The following MARCHF1 variants were observed in gnomAD, a reference collection of about 807,000 sequenced individuals.
MARCHF1 encodes E3 ubiquitin-protein ligase MARCHF1.
Under a neutral mutation model 54.2 loss-of-function variants are expected in MARCHF1, and 40 were observed. The ratio of observed to expected loss-of-function variants is 0.74; its 90% CI spans 0.57 to 0.96. The LOEUF (loss-of-function observed/expected upper bound fraction) is 0.96, where lower values mean the gene tolerates loss of function less well. Among genes scored for constraint, MARCHF1 ranks in the 40% least tolerant of loss-of-function variants. MARCHF1 has a pLI of 0.00. For missense variants in MARCHF1, 586 were observed against 656.5 expected (o/e 0.89, Z 1.17); for synonymous variants, 236 against 236.3 (o/e 1.00, Z 0.01).
chr4:164,275,169 T>G (rs1306559762), intron 1 of MARCHF1, among the ~76,000 whole-genome samples: 1 of 151,890 alleles, frequency 6.6e-6, no homozygotes, highest in Non-Finnish European at 1.5e-5. Context: ...AGTAACTACA[T>G]ACCAACACAG....
At chr4:164,230,816 A>G (rs548470912) in intron 1 of MARCHF1, among the ~76,000 whole-genome samples, 1 of 152,128 alleles carries the variant, frequency 6.6e-6, no homozygotes, top group East Asian at 1.9e-4. Flanking sequence ...ACATGTTACT[A>G]TTATTATTAT....
At chr4:163,836,481 G>A (rs1316992664) in intron 4 of MARCHF1, among the ~76,000 whole-genome samples, 4 of 103,636 alleles carry the variant, frequency 3.9e-5, no homozygotes, top group Non-Finnish European at 8.2e-5. Context: ...TCCTGACCTC[G>A]TGATCCGCCT....
intron 8 of MARCHF1, among the ~76,000 whole-genome samples, chr4:163,579,276 G>T (rs1740137895): frequency 6.6e-6 from 1 of 152,116 alleles, no homozygotes; most frequent in South Asian, 2.1e-4. Context: ...AATATCAATT[G>T]TACTTCTAAG....
At chr4:164,027,363 A>C (rs1024429856) in intron 2 of MARCHF1, among the ~76,000 whole-genome samples, 1 of 82,026 alleles carries the variant, frequency 1.2e-5, no homozygotes, top group African/African-American at 6.3e-5. Flanking sequence ...TGGTACAGGT[A>C]AAAAAAAAAA....
intron 2 of MARCHF1, among the ~76,000 whole-genome samples, chr4:164,020,175 A>G (rs1238814808): frequency 6.6e-6 from 1 of 152,190 alleles, no homozygotes; most frequent in Admixed American, 6.5e-5. Context: ...CTAGAGAGGA[A>G]AGCAAAAAGT....
intron 1 of MARCHF1, among the ~76,000 whole-genome samples, chr4:164,222,916 T>C (rs1732154001): frequency 6.6e-6 from 1 of 152,066 alleles, no homozygotes. Context: ...AGAAGTTTAA[T>C]TGACTCACAG....
intron 4 of MARCHF1, among the ~76,000 whole-genome samples, chr4:163,851,017 A>C (rs1178983950): frequency 1.3e-5 from 2 of 152,128 alleles, no homozygotes. Context: ...TGTGTAACAG[A>C]CTCAAGGCAA....
At chr4:163,869,181 T>C (rs1750118384) in intron 3 of MARCHF1, among the ~76,000 whole-genome samples, 1 of 151,534 alleles carries the variant, frequency 6.6e-6, no homozygotes, top group African/African-American at 2.4e-5. Context: ...AAAGACTACG[T>C]GAGTGAGTTT....
intron 1 of MARCHF1, among the ~76,000 whole-genome samples, chr4:164,371,669 CA>C (rs1731040941): frequency 6.6e-6 from 1 of 152,058 alleles, no homozygotes; most frequent in African/African-American, 2.4e-5. Flanking sequence ...GGAAAACAAT[CA>C]ATAAGACATT....
At chr4:164,130,720 G>A (rs1213112337) in intron 1 of MARCHF1, among the ~76,000 whole-genome samples, 2 of 152,086 alleles carry the variant, frequency 1.3e-5, no homozygotes, top group Non-Finnish European at 2.9e-5. Flanking sequence ...AAATACTAAG[G>A]CTGTGAGTGG....
At chr4:163,948,319 A>G (rs1299959555) in intron 3 of MARCHF1, among the ~76,000 whole-genome samples, 4 of 152,232 alleles carry the variant, frequency 2.6e-5, no homozygotes, top group African/African-American at 9.6e-5. Flanking sequence ...AGATGTCCCA[A>G]TATAGTAAAA....
intron 5 of MARCHF1, among the ~76,000 whole-genome samples, chr4:163,659,054 G>A (rs1364418946): frequency 1.3e-5 from 2 of 151,830 alleles, no homozygotes; most frequent in Non-Finnish European, 2.9e-5. Flanking sequence ...TTGTTCTCTG[G>A]ATTTTATTGT....
chr4:164,368,940 C>T (rs1393505318), intron 1 of MARCHF1, among the ~76,000 whole-genome samples: 3 of 152,302 alleles, frequency 2.0e-5, no homozygotes, highest in African/African-American at 4.8e-5. Flanking sequence ...CTATTAGACA[C>T]GGAAACTTTA....
intron 3 of MARCHF1, among the ~76,000 whole-genome samples, chr4:163,873,043 C>CAA (rs34308466): frequency 3.7e-4 from 51 of 138,352 alleles, no homozygotes; most frequent in East Asian, 8.4e-4. Flanking sequence ...GACTCCGTCT[C>CAA]AAAAAAAAAA....
At chr4:163,858,354 C>G (rs1302032827) in intron 3 of MARCHF1, among the ~76,000 whole-genome samples, 1 of 152,126 alleles carries the variant, frequency 6.6e-6, no homozygotes, top group Non-Finnish European at 1.5e-5. Flanking sequence ...ATTTATCTCT[C>G]TGTCTCCTCA....
At chr4:163,614,078 A>G (rs1470225380) in intron 5 of MARCHF1, among the ~76,000 whole-genome samples, 2 of 152,110 alleles carry the variant, frequency 1.3e-5, no homozygotes, top group Admixed American at 6.6e-5. Flanking sequence ...TCTTCACTCT[A>G]TTTGACTTTA....
intron 4 of MARCHF1, among the ~76,000 whole-genome samples, chr4:163,769,540 CAT>C (rs1297977978): frequency 6.6e-6 from 1 of 152,094 alleles, no homozygotes; most frequent in African/African-American, 2.4e-5. Flanking sequence ...GAATCAAACC[CAT>C]GTCTGTCCCA....
chr4:163,637,804 T>C (rs1467910598), intron 5 of MARCHF1, among the ~76,000 whole-genome samples: 1 of 152,040 alleles, frequency 6.6e-6, no homozygotes, highest in African/African-American at 2.4e-5. Flanking sequence ...GTATGTTTAT[T>C]GCAGTACTAT....
intron 5 of MARCHF1, among the ~76,000 whole-genome samples, chr4:163,665,808 C>T (rs1172777300): frequency 1.3e-5 from 2 of 152,072 alleles, no homozygotes; most frequent in African/African-American, 4.8e-5. Context: ...ATACATTTGT[C>T]TAAAAACATA....
Sources: gnomAD v4.1 joint callset for allele counts (sites outside exome capture counted in the v4.1 genomes callset) on GRCh38, gnomAD v4.1.1 for gene constraint, MANE v1.5 for transcripts, NCBI Gene and HGNC (gene_info 2026-07-23, HGNC 2026-07-21) for gene names.